Variants in ME3 observed in about 807,000 individuals in gnomAD.
The protein encoded by ME3 is malic enzyme 3.
ME3 carries 48 observed loss-of-function variants against 68.9 expected under a neutral mutation model. The observed-to-expected ratio is 0.70, with a 90% confidence interval of 0.55 to 0.89. The LOEUF is 0.89. ME3 is among the 40% of genes least tolerant of loss of function. ME3 has a pLI of 0.00. For missense variants in ME3, 675 were observed against 797.4 expected (o/e 0.85, Z 1.85); for synonymous variants, 320 against 318.8 (o/e 1.00, Z -0.04).
At chr11:86,467,219 A>G (rs1233521675) in intron 7 of ME3, among the ~76,000 whole-genome samples, 1 of 152,214 alleles carries the variant, frequency 6.6e-6, no homozygotes, top group African/African-American at 2.4e-5. Flanking sequence ...CAAGTATACA[A>G]TACAGTATTA....
rs548581442 is a variant in ME3, at chr11:86,535,073, A to G, written c.467+21480T>C. Among the ~76,000 whole-genome samples the G allele has an allele frequency of 1.9e-3, 285 of 152,282 alleles. 1 individual carries two copies. The highest frequency in any genetic ancestry group is 3.3e-3 in the South Asian group (16 of 4,828). On this transcript the variant is annotated intron_variant, in intron 4 of 14. Coordinates refer to ENST00000543262, the Ensembl canonical transcript of ME3. ...TCTCAAACACTGCCCTCTCAGTTCA[A>G]TAATCAAAATCATTTACCTATTTAT... is the stretch of plus-strand genomic sequence containing the variant.
At chr11:86,439,696 T>A (rs536677850), downstream of ME3, among the ~76,000 whole-genome samples, 8 of 152,368 alleles carry the variant, frequency 5.3e-5, no homozygotes, top group East Asian at 1.5e-3. Flanking sequence ...TGTTTTTGTC[T>A]TGGTTAGTAT....
intron 2 of ME3, among the ~76,000 whole-genome samples, chr11:86,642,992 TAG>T (rs1944763585): frequency 7.0e-6 from 1 of 142,056 alleles, no homozygotes; most frequent in Non-Finnish European, 1.5e-5. Flanking sequence ...AGGTTTCTAT[TAG>T]TTTTTTTTGA....
intron 2 of ME3, among the ~76,000 whole-genome samples, chr11:86,653,904 T>C (rs1269492973): frequency 6.6e-6 from 1 of 152,068 alleles, no homozygotes; most frequent in African/African-American, 2.4e-5. Flanking sequence ...TAAAAAATGA[T>C]AAAGGGTATA....
At chr11:86,583,686 T>G (rs1958571292) in intron 2 of ME3, among the ~76,000 whole-genome samples, 1 of 152,088 alleles carries the variant, frequency 6.6e-6, no homozygotes, top group Non-Finnish European at 1.5e-5. Flanking sequence ...AGAAGAGACT[T>G]CCCTGAGGAA....
Position 86,601,311 on chromosome 11 carries a change from G to A in ME3, c.184-41488C>T, listed in dbSNP as rs1331188378. 1.5e-4 allele frequency among the ~76,000 whole-genome samples: 23 copies of A among 151,558 alleles called. No homozygotes were observed. The East Asian group carries it at 1.9e-3, about 13-fold the overall frequency. ...ACAGAAATACAAACTACCATCAGAG[G>A]ATACTACAAACACCTCTACGCAAAT... On this transcript the variant is annotated intron_variant, in intron 2 of 14. Coordinates refer to ENST00000543262, the Ensembl canonical transcript of ME3.
intron 4 of ME3, among the ~76,000 whole-genome samples, chr11:86,551,321 TAG>T (rs1225580225): frequency 3.3e-5 from 5 of 152,110 alleles, no homozygotes; most frequent in African/African-American, 1.2e-4. Context: ...ACATGGTATT[TAG>T]ATAAGGGGGC....
chr11:86,463,464 G>A (rs1021420334), intron 8 of ME3, among the ~76,000 whole-genome samples: 5 of 152,196 alleles, frequency 3.3e-5, no homozygotes, highest in African/African-American at 7.2e-5. Flanking sequence ...CCCCACCAGC[G>A]CATCTTCCTG....
chr11:86,450,918 G>A (rs900066090), intron 8 of ME3, among the ~76,000 whole-genome samples: 1 of 152,222 alleles, frequency 6.6e-6, no homozygotes, highest in Non-Finnish European at 1.5e-5. Flanking sequence ...AGTTGTATAA[G>A]TAGGTGGCTC....
intron 8 of ME3, among the ~76,000 whole-genome samples, chr11:86,454,538 A>G (rs528780572): frequency 2.0e-5 from 3 of 152,362 alleles, no homozygotes; most frequent in Admixed American, 6.5e-5. Flanking sequence ...AACATCAGAT[A>G]TTGTTCCAAG....
chr11:86,662,589 C>T lies in ME3; in HGVS notation c.183+9173G>A, dbSNP rs111479005. 6.9e-4 allele frequency among the ~76,000 whole-genome samples: 105 copies of T among 151,942 alleles called. 1 individual carries two copies. Among genetic ancestry groups the T allele is most frequent in the African/African-American group, 2.4e-3 (100 of 41,402 alleles). On this transcript the variant is annotated intron_variant, in intron 2 of 14. Transcript: ENST00000543262. ...TCCAGCCTGGGTGACAGAGTAAGAC[C>T]CTGTCTGTAAAAAAATAAAAATGAA...
intron 2 of ME3, among the ~76,000 whole-genome samples, chr11:86,630,330 T>G (rs1014092168): frequency 2.1e-4 from 32 of 152,162 alleles, no homozygotes; most frequent in African/African-American, 7.5e-4. Flanking sequence ...GCAGCTGGAC[T>G]TGGCAGGCTC....
chr11:86,482,570 C>G (rs1035943989), intron 7 of ME3, among the ~76,000 whole-genome samples: 1 of 150,316 alleles, frequency 6.7e-6, no homozygotes, highest in Non-Finnish European at 1.5e-5. Context: ...CTTGTATAAC[C>G]TCCTCCCTTG....
intron 6 of ME3, among the ~76,000 whole-genome samples, chr11:86,496,076 C>G (rs1208872450): frequency 6.6e-6 from 1 of 152,096 alleles, no homozygotes. Context: ...AGCATCATTC[C>G]TTACTAGGAT....
chr11:86,487,036 A>G (rs982233329), intron 7 of ME3, among the ~76,000 whole-genome samples: 1 of 152,106 alleles, frequency 6.6e-6, no homozygotes, highest in Non-Finnish European at 1.5e-5. Flanking sequence ...AGAACCCTAA[A>G]CAGCTCAGGC....
downstream of ME3, among the ~76,000 whole-genome samples, chr11:86,437,744 T>C (rs979439118): frequency 2.6e-5 from 4 of 152,184 alleles, no homozygotes; most frequent in Admixed American, 1.3e-4. Context: ...TTCTTAATTT[T>C]ATTTTTAGAT....
At chr11:86,557,031 T>A (rs10792857) in intron 3 of ME3, among the ~76,000 whole-genome samples, 1 of 151,998 alleles carries the variant, frequency 6.6e-6, no homozygotes, top group East Asian at 1.9e-4. Flanking sequence ...CTCACCCCAA[T>A]TCTCATGGCG....
chr11:86,537,813 A>T (rs1955783561), intron 4 of ME3, among the ~76,000 whole-genome samples: 2 of 152,352 alleles, frequency 1.3e-5, no homozygotes, highest in African/African-American at 4.8e-5. Context: ...AGAGTGCTCC[A>T]CAAGCTGTGC....
chr11:86,653,611 T>C (rs1415390569), intron 2 of ME3, among the ~76,000 whole-genome samples: 1 of 152,184 alleles, frequency 6.6e-6, no homozygotes, highest in African/African-American at 2.4e-5. Context: ...TAGAGGGAAA[T>C]TTATAGCACT....
Sources: allele counts gnomAD v4.1 joint callset (sites outside exome capture counted in the v4.1 genomes callset), GRCh38; gene constraint gnomAD v4.1.1; transcripts MANE v1.5; gene names NCBI Gene and HGNC (gene_info 2026-07-23, HGNC 2026-07-21).